Variants in ELAPOR2 observed in about 807,000 individuals in gnomAD.
ELAPOR2 encodes the protein endosome-lysosome associated apoptosis and autophagy regulator family member 2.
ELAPOR2 carries 89 observed loss-of-function variants against 120.7 expected under a neutral mutation model. The observed-to-expected ratio is 0.74, with a 90% CI of 0.62 to 0.88. The LOEUF is 0.88. Ranked by LOEUF, ELAPOR2 falls within the 40% of genes least tolerant of loss-of-function variation. The pLI, the probability that ELAPOR2 is intolerant of heterozygous loss-of-function variation, is 0.00. For missense variants in ELAPOR2, 1,134 were observed against 1,251.6 expected, an observed-to-expected ratio of 0.91 and a Z score of 1.42; for synonymous variants, 444 against 444.9, an observed-to-expected ratio of 1.00 and a Z score of 0.03.
Position 86,919,134 on chromosome 7 carries a change from T to A in ELAPOR2, c.1490+86A>T, listed in dbSNP as rs188692137. On this transcript the variant is annotated intron_variant, in intron 11 of 21. Transcript: ENST00000450689. ...AAGTATTTTTGTAATATTAATATGT[T>A]CCATAAAGTAGCCCTACTTCTTTAT... 28 of 858,396 alleles carry A rather than the reference T, an allele frequency of 3.3e-5. No individual in the cohort carries two copies. The Admixed American group carries it at 5.0e-4, about 15-fold the overall frequency. The allele number at this position is 858,396 out of a possible 1,614,324, so 53.2% of individuals were successfully genotyped here. A position where few individuals can be genotyped will look rare whatever the true frequency, so the allele number is the denominator to read the frequency against.
At chr7:86,989,229 A>G (rs1218044138) in intron 1 of ELAPOR2, among the ~76,000 whole-genome samples, 2 of 152,230 alleles carry the variant, frequency 1.3e-5, no homozygotes, top group Non-Finnish European at 1.5e-5. Flanking sequence ...TTTTAAATTA[A>G]GCAGGCTGTA....
intron 2 of ELAPOR2, among the ~76,000 whole-genome samples, chr7:86,964,235 C>T (rs915902177): frequency 7.0e-5 from 10 of 142,632 alleles, no homozygotes; most frequent in African/African-American, 2.4e-4. Context: ...GCAGGAACCC[C>T]TAACTCACTA....
At chr7:87,053,483 C>T (rs544670280) in intron 1 of ELAPOR2, among the ~76,000 whole-genome samples, 18 of 152,168 alleles carry the variant, frequency 1.2e-4, no homozygotes, top group African/African-American at 3.9e-4. Flanking sequence ...AAAAAGGTAT[C>T]CCTTTTTCCA....
At chr7:86,987,091 G>T (rs1435800584) in intron 1 of ELAPOR2, among the ~76,000 whole-genome samples, 3 of 151,890 alleles carry the variant, frequency 2.0e-5, no homozygotes, top group East Asian at 3.9e-4. Context: ...AACAAGAAAT[G>T]GGGAAAGGAT....
intron 21 of ELAPOR2, among the ~76,000 whole-genome samples, chr7:86,884,413 TG>T (rs1799590823): frequency 6.6e-6 from 1 of 152,158 alleles, no homozygotes; most frequent in African/African-American, 2.4e-5. Context: ...ACCACAAGTT[TG>T]AACTGCACAG....
At chr7:87,024,325 GTGGTTTTCGTCGTTGGTTC>G (rs1320193241) in intron 1 of ELAPOR2, among the ~76,000 whole-genome samples, 1 of 152,162 alleles carries the variant, frequency 6.6e-6, no homozygotes, top group Non-Finnish European at 1.5e-5. Context: ...AGATAGTCAT[GTGGTTTTCGTCGTTGGTTC>G]TGTTTATATG....
At chr7:86,985,302 A>G (rs1334353025) in intron 1 of ELAPOR2, among the ~76,000 whole-genome samples, 1 of 152,354 alleles carries the variant, frequency 6.6e-6, no homozygotes, top group South Asian at 2.1e-4. Context: ...AAACTATTCC[A>G]ATCAACAGAA....
At chr7:86,912,791 A>G in intron 14 of ELAPOR2, 150 bp downstream of exon 14, 1 of 888,050 alleles carries the variant, frequency 1.1e-6, no homozygotes, top group Non-Finnish European at 1.7e-6. Context: ...AATAAACGCA[A>G]GAAGGGAGAA....
At position 86,884,037 on chromosome 7, in the gene ELAPOR2, A is replaced by G. The variant is rs1023771354; in HGVS notation, c.3031-3507T>C. 3.3e-5 allele frequency among the ~76,000 whole-genome samples: 5 copies of G among 152,316 alleles called. No individual in the cohort carries two copies. In the East Asian group the frequency reaches 9.6e-4, roughly 29 times the overall value. On this transcript the variant is annotated intron_variant, in intron 21 of 21. Coordinates refer to ENST00000450689, the MANE Select transcript of ELAPOR2 (RefSeq NM_001142749.3). ...GATGGAGGGACGGATATGTAATAAT[A>G]CAAATATAATAAAATTTGTATGGTG...
In ELAPOR2 at chr7:86,909,889, G is replaced by T. The variant is rs1789216626; in HGVS notation, c.2282C>A (p.Thr761Lys). 6.2e-7 allele frequency: 1 copy of T among 1,613,308 alleles called. No individual in the cohort carries two copies. Among genetic ancestry groups the T allele is most frequent in the Non-Finnish European group, 8.5e-7 (1 of 1,179,600 alleles). ...NLVGAFVCQS[T>K]IIPSESKGFR... Reference sequence around the variant, plus strand: ...ACCCTTACTTTCAGAAGGAATAATTGTTGACTGGCATACAAATGCCCCTAC... The same window carrying T: ...ACCCTTACTTTCAGAAGGAATAATTTTTGACTGGCATACAAATGCCCCTAC... The change falls in exon 16 of 22, where the codon ACA becomes AAA. Residue 761 changes from threonine to lysine, a missense_variant. By Grantham distance (78) the Thr-to-Lys change is moderately conservative. This residue lies in a region of ELAPOR2 where 831 missense variants were observed against 867.6 expected (regional missense o/e 0.96). Transcript: ENST00000450689.
intron 1 of ELAPOR2, among the ~76,000 whole-genome samples, chr7:87,039,800 C>T (rs544002795): frequency 6.6e-6 from 1 of 152,190 alleles, no homozygotes; most frequent in Non-Finnish European, 1.5e-5. Context: ...CTCTGGTCTA[C>T]AGCTCCCAGC....
chr7:86,924,145 T>C (rs940652482), intron 10 of ELAPOR2, among the ~76,000 whole-genome samples: 1 of 152,036 alleles, frequency 6.6e-6, no homozygotes, highest in African/African-American at 2.4e-5. Context: ...TTTATCTTTG[T>C]AGTTTTTACA....
Position 86,879,713 on chromosome 7 carries a change from C to A in ELAPOR2, c.*758G>T, listed in dbSNP as rs1456355286. The A allele has an allele frequency of 6.6e-6, 1 of 152,204 alleles. No individual in the cohort carries two copies. Among genetic ancestry groups the A allele is most frequent in the African/African-American group, 2.4e-5 (1 of 41,452 alleles). The allele number at this position is 152,204 out of a possible 1,614,324, so 9.4% of individuals were successfully genotyped here. On this transcript the variant is annotated 3_prime_UTR_variant, in exon 22 of 22. Coordinates refer to ENST00000450689, the MANE Select transcript of ELAPOR2 (RefSeq NM_001142749.3). The stretch of plus-strand genomic sequence containing the variant: ...TAAACTGTTTTAAGTCATTTGACTT[C>A]TATGATACTAGCAGCTAGTTTGCAT...
intron 1 of ELAPOR2, among the ~76,000 whole-genome samples, chr7:87,042,515 G>T (rs1794818399): frequency 6.6e-6 from 1 of 151,724 alleles, no homozygotes; most frequent in East Asian, 1.9e-4. Flanking sequence ...TGACTACTGG[G>T]TACATAACGA....
intron 2 of ELAPOR2, among the ~76,000 whole-genome samples, chr7:86,955,715 G>C (rs1463761568): frequency 1.3e-5 from 2 of 152,032 alleles, no homozygotes; most frequent in African/African-American, 4.8e-5. Context: ...AGAGACCTTT[G>C]AGATTATCTG....
chr7:86,913,356 G>A, intron 13 of ELAPOR2, 152 bp from the exon 14 acceptor site: 1 of 740,056 alleles, frequency 1.4e-6, no homozygotes. Context: ...CTGCTATTTG[G>A]TTCTTCTTTT....
At chr7:87,057,584 A>G (rs1795302892) in intron 1 of ELAPOR2, among the ~76,000 whole-genome samples, 1 of 152,192 alleles carries the variant, frequency 6.6e-6, no homozygotes, top group African/African-American at 2.4e-5. Flanking sequence ...AGTCACATGC[A>G]ATTTCTAAAG....
chr7:86,987,830 A>G (rs897582668), intron 1 of ELAPOR2, among the ~76,000 whole-genome samples: 2 of 152,242 alleles, frequency 1.3e-5, no homozygotes, highest in Admixed American at 6.5e-5. Context: ...CATTTGACCC[A>G]GCGATCCTAT....
rs142578727 is a variant in ELAPOR2, at chr7:87,026,368, C to A, written c.189+32957G>T. ...TACTATTTTCTCTAGATTAAAAAAT[C>A]TAGTCTCTTGTTGAATCACTTTTTT... is the stretch of plus-strand genomic sequence containing the variant. On this transcript the variant is annotated intron_variant, in intron 1 of 21. Transcript: ENST00000450689. Among the ~76,000 whole-genome samples, 15 of 151,780 alleles carry A rather than the reference C, an allele frequency of 9.9e-5. No homozygotes were observed. In the East Asian group the frequency reaches 2.9e-3, roughly 29 times the overall value.
Sources: gnomAD v4.1 joint callset for allele counts (sites outside exome capture counted in the v4.1 genomes callset) on GRCh38, gnomAD v4.1.1 for gene constraint, gnomAD v4.1.1 regional missense constraint, MANE v1.5 for transcripts, NCBI Gene and HGNC (gene_info 2026-07-23, HGNC 2026-07-21) for gene names.